The following SERPINE2 variants were observed in gnomAD, a reference collection of about 807,000 sequenced individuals.
SERPINE2 encodes glia-derived nexin.
In SERPINE2, 14 loss-of-function variants were observed where a neutral mutation model predicts 36.3. That is an observed-to-expected ratio of 0.39 (90% CI 0.25 to 0.60). The LOEUF is 0.60. Ranked by LOEUF, SERPINE2 falls within the 20% of genes least tolerant of loss-of-function variation. The probability of loss-of-function intolerance (pLI) is 0.57; values close to 1 mark genes in which losing one functional copy is unlikely to be tolerated. For missense variants in SERPINE2, 418 were observed against 499.6 expected, an observed-to-expected ratio of 0.84 and a Z score of 1.56; for synonymous variants, 192 against 191.8, an observed-to-expected ratio of 1.00 and a Z score of -0.01.
chr2:224,033,431 C>T (rs182963195), intron 1 of SERPINE2, among the ~76,000 whole-genome samples: 63 of 152,182 alleles, frequency 4.1e-4, no homozygotes, highest in African/African-American at 1.3e-3. Flanking sequence ...TTTATCTAGA[C>T]TTAACACTTA....
chr2:223,990,689 T>C (rs1690627629), intron 4 of SERPINE2, among the ~76,000 whole-genome samples: 5 of 152,196 alleles, frequency 3.3e-5, no homozygotes. Context: ...TTTTAGAAGT[T>C]CATTTGAGCC....
intron 1 of SERPINE2, among the ~76,000 whole-genome samples, chr2:224,008,791 TAA>T (rs1691516130): frequency 6.6e-6 from 1 of 152,226 alleles, no homozygotes; most frequent in Non-Finnish European, 1.5e-5. Flanking sequence ...GCAACAGTGA[TAA>T]GGAAAATCCA....
At chr2:224,033,407 A>G (rs990418720) in intron 1 of SERPINE2, among the ~76,000 whole-genome samples, 2 of 152,218 alleles carry the variant, frequency 1.3e-5, no homozygotes, top group Non-Finnish European at 2.9e-5. Flanking sequence ...AGGATAATGC[A>G]TTTACGAAAA....
At position 223,988,440 on chromosome 2, in the gene SERPINE2, G is replaced by A. The variant is rs1047468808; in HGVS notation, c.685+3363C>T. Among the ~76,000 whole-genome samples the A allele has an allele frequency of 4.8e-4, 73 of 152,126 alleles. 3 individuals carry two copies. The highest frequency in any genetic ancestry group is 3.4e-4 in the Non-Finnish European group (23 of 68,030). ...TCCTGCCTCAGCTTCCCAAAGTGCT[G>A]GAATTACAGGTGTGTGCCATGGTGC... On this transcript the variant is annotated intron_variant, in intron 4 of 8. Transcript: ENST00000409304.
intron 1 of SERPINE2, chr2:224,030,080 T>G (rs1056311252): frequency 7.2e-5 from 71 of 985,344 alleles, no homozygotes; most frequent in Non-Finnish European, 8.2e-5. Flanking sequence ...ACCTGCAACG[T>G]GTTCCCTGGA....
chr2:224,038,828 G>T (rs985710819), intron 1 of SERPINE2: 3 of 343,992 alleles, frequency 8.7e-6, no homozygotes, highest in Non-Finnish European at 1.0e-5. Context: ...GGGCGGCCCC[G>T]CCTTGCCCTG....
At chr2:223,995,522 A>C (rs1370697592) in intron 3 of SERPINE2, among the ~76,000 whole-genome samples, 1 of 152,198 alleles carries the variant, frequency 6.6e-6, no homozygotes, top group Non-Finnish European at 1.5e-5. Context: ...ACCCCACCGG[A>C]TCTCTGCATT....
chr2:223,986,418 G>C (rs1380516112), intron 4 of SERPINE2, among the ~76,000 whole-genome samples: 4 of 152,044 alleles, frequency 2.6e-5, no homozygotes, highest in Non-Finnish European at 5.9e-5. Flanking sequence ...GAATGAAAGA[G>C]AGGATTCTTC....
intron 1 of SERPINE2, chr2:224,031,415 A>T: frequency 1.0e-6 from 1 of 985,572 alleles, no homozygotes; most frequent in Non-Finnish European, 1.2e-6. Context: ...AACAGAAAGA[A>T]AGGCAGCTGG....
At chr2:224,003,104 C>T (rs1055063409) in intron 1 of SERPINE2, among the ~76,000 whole-genome samples, 10 of 152,034 alleles carry the variant, frequency 6.6e-5, no homozygotes, top group African/African-American at 9.7e-5. Context: ...GCAGGAACAT[C>T]GTGATGAGAC....
chr2:224,003,139 C>T (rs1691253970), intron 1 of SERPINE2, among the ~76,000 whole-genome samples: 1 of 152,092 alleles, frequency 6.6e-6, no homozygotes, highest in Non-Finnish European at 1.5e-5. Context: ...GAGCCAGCCA[C>T]ACTCTGATGG....
chr2:223,985,318 A>G (rs947471375), intron 4 of SERPINE2, among the ~76,000 whole-genome samples: 16 of 149,990 alleles, frequency 1.1e-4, no homozygotes, highest in African/African-American at 3.9e-4. Context: ...TTTTTTTTTA[A>G]ATAAAGTGTA....
chr2:224,039,042 C>T lies in SERPINE2; in HGVS notation c.-23+57G>A, dbSNP rs1284195249. On this transcript the variant is annotated intron_variant, in intron 1 of 8. Transcript: ENST00000409304. The surrounding 1 kb of genome is among the most constrained non-coding windows in gnomAD (Gnocchi z 5.2). ...TGGCGCGCGGAGCCCCGGGGAGCGT[C>T]CCCCGCCGAGGGCAGCGCCGGCCGC... 6.6e-6 allele frequency: 1 copy of T among 151,418 alleles called. No homozygotes were observed. The highest frequency in any genetic ancestry group is 1.5e-5 in the Non-Finnish European group (1 of 67,796). 9.4% of individuals were successfully genotyped at this position (151,418 alleles called of 1,614,324 possible).
intron 1 of SERPINE2, among the ~76,000 whole-genome samples, chr2:224,007,112 C>T (rs182808303): frequency 5.3e-4 from 81 of 152,240 alleles, no homozygotes; most frequent in Non-Finnish European, 8.4e-4. Context: ...TAAAAGTTTA[C>T]ATATAGTGCA....
intron 2 of SERPINE2, among the ~76,000 whole-genome samples, chr2:223,998,680 C>T (rs993069647): frequency 1.3e-5 from 2 of 152,124 alleles, no homozygotes; most frequent in Non-Finnish European, 2.9e-5. Context: ...CGGGCCCCTG[C>T]ATACAGCCTG....
At chr2:223,985,936 T>C (rs1690410387) in intron 4 of SERPINE2, among the ~76,000 whole-genome samples, 1 of 152,228 alleles carries the variant, frequency 6.6e-6, no homozygotes, top group African/African-American at 2.4e-5. Flanking sequence ...CAAGATGCTC[T>C]ATAGACAAAA....
Position 224,001,885 on chromosome 2 carries a change from G to A in SERPINE2, c.16C>T (p.Pro6Ser). MNWHL[P>S]LFLLASVTLP... ...GTCACAGAGGCCAAGAGGAAGAGGG[G>A]GAGATGCCAGTTCATGGTTCCTTCC... The change falls in exon 2 of 9, where the codon CCC becomes TCC. Residue 6 changes from proline (P) to serine (S), a missense_variant. By Grantham distance (74) the Pro-to-Ser change is moderately conservative. Transcript: ENST00000409304. The A allele has an allele frequency of 6.2e-7, 1 of 1,612,858 alleles. No individual in the cohort carries two copies. The highest frequency in any genetic ancestry group is 2.2e-5 in the East Asian group (1 of 44,856).
intron 1 of SERPINE2, among the ~76,000 whole-genome samples, chr2:224,035,861 G>T (rs186017231): frequency 6.6e-6 from 1 of 152,154 alleles, no homozygotes; most frequent in Non-Finnish European, 1.5e-5. Context: ...TGACTAGAGC[G>T]GACCTTTGTG....
At chr2:223,982,566 C>A in intron 6 of SERPINE2, 115 bp downstream of exon 6, 1 of 576,342 alleles carries the variant, frequency 1.7e-6, no homozygotes, top group Non-Finnish European at 3.0e-6. Flanking sequence ...CAAATGAAAC[C>A]TTGTACAGTT....
Sources: gnomAD v4.1 joint callset for allele counts (sites outside exome capture counted in the v4.1 genomes callset) on GRCh38, gnomAD v4.1.1 for gene constraint, Gnocchi (gnomAD v3.1) non-coding constraint, MANE v1.5 for transcripts, NCBI Gene and HGNC (gene_info 2026-07-23, HGNC 2026-07-21) for gene names.